The following CYB5B variants were observed in gnomAD, a reference collection of about 807,000 sequenced individuals.
CYB5B encodes cytochrome b5 type B.
In CYB5B, 14 loss-of-function variants were observed where a neutral mutation model predicts 21.3. The observed-to-expected ratio is 0.66, with a 90% CI of 0.43 to 1.03. The LOEUF (loss-of-function observed/expected upper bound fraction) is 1.03, where lower values mean the gene tolerates loss of function less well. Ranked by LOEUF, CYB5B falls within the 50% of genes least tolerant of loss-of-function variation. CYB5B has a pLI of 0.00. For synonymous variants in CYB5B, 69 were observed against 68.4 expected (o/e 1.01, Z -0.04); for missense variants, 166 against 185.1 (o/e 0.90, Z 0.60).
chr16:69,448,058 A>C (rs1182233006), intron 2 of CYB5B, 57 bp from the exon 3 acceptor site: 4 of 1,558,052 alleles, frequency 2.6e-6, no homozygotes, highest in Non-Finnish European at 3.5e-6. Flanking sequence ...ACAAGCATAT[A>C]GTGAGAATTC....
chr16:69,433,536 C>T (rs886456215), intron 1 of CYB5B, among the ~76,000 whole-genome samples: 4 of 152,222 alleles, frequency 2.6e-5, no homozygotes, highest in African/African-American at 7.2e-5. Context: ...CATCCCTCCT[C>T]CTCCTTCACC....
intron 1 of CYB5B, among the ~76,000 whole-genome samples, chr16:69,426,356 G>C (rs184133306): frequency 7.3e-6 from 1 of 136,468 alleles, no homozygotes; most frequent in Non-Finnish European, 1.6e-5. Context: ...CCTAGATTGC[G>C]CCACTGCAGT....
At chr16:69,461,900 C>T (rs141585987) in intron 4 of CYB5B, among the ~76,000 whole-genome samples, 79 of 152,178 alleles carry the variant, frequency 5.2e-4, no homozygotes, top group Admixed American at 4.3e-3. Context: ...AACCCTATTT[C>T]GTAGGTTATC....
chr16:69,459,233 C>T (rs992129935), intron 4 of CYB5B, 112 bp downstream of exon 4: 17 of 1,318,938 alleles, frequency 1.3e-5, no homozygotes, highest in Non-Finnish European at 1.7e-5. Flanking sequence ...ACAACTAATT[C>T]TTTTTTGGCC....
intron 1 of CYB5B, among the ~76,000 whole-genome samples, chr16:69,442,598 C>G (rs62050128): frequency 6.6e-6 from 1 of 151,392 alleles, no homozygotes; most frequent in South Asian, 2.1e-4. Flanking sequence ...CGCCATGCCT[C>G]GAATTCCTTG....
chr16:69,435,200 A>G (rs1030953278), intron 1 of CYB5B, among the ~76,000 whole-genome samples: 1 of 152,232 alleles, frequency 6.6e-6, no homozygotes, highest in Admixed American at 6.5e-5. Flanking sequence ...ATAATAGCAC[A>G]TACTTCACAG....
intron 1 of CYB5B, among the ~76,000 whole-genome samples, chr16:69,437,497 C>A (rs947280578): frequency 5.3e-5 from 8 of 152,124 alleles, no homozygotes; most frequent in Non-Finnish European, 1.2e-4. Context: ...TGAGCATAAC[C>A]CCCCCAATAC....
At chr16:69,459,268 C>G in intron 4 of CYB5B, 147 bp downstream of exon 4, 2 of 1,029,172 alleles carry the variant, frequency 1.9e-6, no homozygotes, top group Non-Finnish European at 2.7e-6. Context: ...TTCAGTTGTT[C>G]CTTGACATTA....
intron 4 of CYB5B, 77 bp downstream of exon 4, chr16:69,459,198 T>A: frequency 5.3e-6 from 8 of 1,517,274 alleles, no homozygotes; most frequent in Non-Finnish European, 6.2e-6. Context: ...TATATGTATG[T>A]AACATAACTT....
At chr16:69,441,194 C>T (rs564750745) in intron 1 of CYB5B, among the ~76,000 whole-genome samples, 1 of 139,342 alleles carries the variant, frequency 7.2e-6, no homozygotes, top group African/African-American at 2.8e-5. Context: ...TGCTCTGTTG[C>T]CCAGGCTGGA....
intron 1 of CYB5B, among the ~76,000 whole-genome samples, chr16:69,435,110 T>C (rs1038785511): frequency 6.6e-6 from 1 of 152,192 alleles, no homozygotes; most frequent in Admixed American, 6.5e-5. Flanking sequence ...CTGGTTGAGC[T>C]TTCTACTTTA....
intron 1 of CYB5B, among the ~76,000 whole-genome samples, chr16:69,444,956 G>T (rs1484791671): frequency 6.6e-6 from 1 of 152,158 alleles, no homozygotes; most frequent in African/African-American, 2.4e-5. Context: ...AAAAAGTGTT[G>T]TGCTTTCTCT....
At chr16:69,445,930 TG>T (rs1473304605) in intron 1 of CYB5B, among the ~76,000 whole-genome samples, 3 of 152,066 alleles carry the variant, frequency 2.0e-5, no homozygotes, top group Non-Finnish European at 2.9e-5. Context: ...CACTTCAGCC[TG>T]GGCAACAAGA....
chr16:69,451,846 G>A (rs1356023855), intron 3 of CYB5B, among the ~76,000 whole-genome samples: 2 of 151,760 alleles, frequency 1.3e-5, no homozygotes, highest in East Asian at 3.9e-4. Flanking sequence ...AGCTACTCGG[G>A]GCAGGAGAAT....
rs757436286 is a variant in CYB5B, at chr16:69,424,732, G to A, written c.49G>A (p.Gly17Arg). The A allele has an allele frequency of 2.5e-6, 4 of 1,599,704 alleles. No homozygotes were observed. The highest frequency in any genetic ancestry group is 1.7e-5 in the Admixed American group (1 of 58,010). ...TAEASGSDGK[G>R]QEVETSVTYY... ...GGAAGCTAGCGGCAGCGATGGGAAAGGGCAGGAAGTCGAGACCTCAGTCAC... is the reference window on the plus strand; with the variant it reads ...GGAAGCTAGCGGCAGCGATGGGAAAAGGCAGGAAGTCGAGACCTCAGTCAC... Residue 17 changes from glycine (G) to arginine (R), a missense_variant, in exon 1 of 5, where the codon GGG (glycine) becomes AGG (arginine). By Grantham distance (125) the Gly-to-Arg change is moderately radical. Transcript: ENST00000307892.
chr16:69,448,316 A>G lies in CYB5B; in HGVS notation c.333+172A>G, dbSNP rs2014898263. 3 of 702,650 alleles carry G rather than the reference A, an allele frequency of 4.3e-6. No homozygotes were observed. The African/African-American group carries it at 5.4e-5, about 13-fold the overall frequency. The allele number at this position is 702,650 out of a possible 1,614,324, so 43.5% of individuals were successfully genotyped here. The stretch of plus-strand genomic sequence containing the variant: ...AGTATCATCTCAGGAATAAAAGAAT[A>G]GCTGAGTCTTGAACAGTAGGAAACA... On this transcript the variant is annotated intron_variant, in intron 3 of 4. Transcript: ENST00000307892.
At chr16:69,438,039 AACTCTGT>A (rs2014778783) in intron 1 of CYB5B, among the ~76,000 whole-genome samples, 1 of 152,148 alleles carries the variant, frequency 6.6e-6, no homozygotes, top group Admixed American at 6.5e-5. Context: ...TCCAAACTGA[AACTCTGT>A]ACTTATTAAA....
At chr16:69,458,182 A>G (rs961569114) in intron 3 of CYB5B, among the ~76,000 whole-genome samples, 17 of 152,172 alleles carry the variant, frequency 1.1e-4, no homozygotes, top group Non-Finnish European at 2.4e-4. Flanking sequence ...ACCTATTTAA[A>G]ATGTACAAAT....
chr16:69,432,613 G>C (rs929212206), intron 1 of CYB5B, among the ~76,000 whole-genome samples: 6 of 152,034 alleles, frequency 3.9e-5, no homozygotes, highest in African/African-American at 1.4e-4. Flanking sequence ...ATTTGCCCTC[G>C]TAGTCGTCAT....
Sources: allele counts gnomAD v4.1 joint callset (sites outside exome capture counted in the v4.1 genomes callset), GRCh38; gene constraint gnomAD v4.1.1; transcripts MANE v1.5; gene names NCBI Gene and HGNC (gene_info 2026-07-23, HGNC 2026-07-21).